The following CD81 variants were observed in gnomAD, a reference collection of about 807,000 sequenced individuals.
The protein encoded by CD81 is CD81 molecule.
In CD81, 10 loss-of-function variants were observed where a neutral mutation model predicts 30.1. That is an observed-to-expected ratio of 0.33 (90% CI 0.21 to 0.56). The LOEUF (loss-of-function observed/expected upper bound fraction) is 0.56, where lower values mean the gene tolerates loss of function less well. Among genes scored for constraint, CD81 ranks in the 20% least tolerant of loss-of-function variants. The pLI is 0.89. For synonymous variants in CD81, 147 were observed against 126.4 expected (o/e 1.16, Z -1.10); for missense variants, 263 against 308.7 (o/e 0.85, Z 1.11).
At chr11:2,388,544 C>G (rs1849838624) in intron 1 of CD81, among the ~76,000 whole-genome samples, 1 of 152,346 alleles carries the variant, frequency 6.6e-6, no homozygotes, top group Middle Eastern at 3.4e-3. Flanking sequence ...AGTTTCTCTT[C>G]TGCAGTTGAC....
At chr11:2,386,226 T>C (rs2133449623) in intron 1 of CD81, 2 of 700,784 alleles carry the variant, frequency 2.9e-6, no homozygotes, top group Non-Finnish European at 5.3e-6. Flanking sequence ...TCCTGTTTTT[T>C]GCCCATCTTT....
chr11:2,377,829 C>G lies in CD81; in HGVS notation c.66+214C>G, dbSNP rs539514871. ...GGCTGCGAGCCGAGTTTCGGGGCCT[C>G]TGTGCTCGGGGGCCCACCTCTGCGG... On this transcript the variant is annotated intron_variant, in intron 1 of 7. Coordinates refer to ENST00000263645, the MANE Select transcript of CD81 (RefSeq NM_004356.4). The surrounding 1 kb of genome is among the most constrained non-coding windows in gnomAD (Gnocchi z 7.7). 7.4e-6 allele frequency: 2 copies of G among 271,064 alleles called. No individual in the cohort carries two copies. The highest frequency in any genetic ancestry group is 6.9e-5 in the East Asian group (1 of 14,446). The allele number at this position is 271,064 out of a possible 1,614,324, so 16.8% of individuals were successfully genotyped here. A position where few individuals can be genotyped will look rare whatever the true frequency, so the allele number is the denominator to read the frequency against.
intron 3 of CD81, 56 bp downstream of exon 3, chr11:2,394,248 TG>T: frequency 8.0e-7 from 1 of 1,248,500 alleles, no homozygotes; most frequent in Non-Finnish European, 1.2e-6. Context: ...GGGCTGCGTC[TG>T]GCCCTGAGGA....
chr11:2,386,457 A>G (rs978834913), intron 1 of CD81: 2 of 689,690 alleles, frequency 2.9e-6, no homozygotes, highest in African/African-American at 3.5e-5. Context: ...TGGTGCTGCC[A>G]TTGCCCTCCC....
intron 2 of CD81, chr11:2,392,418 G>A (rs11022590): frequency 0.1 from 15,860 of 152,392 alleles, 2,413 homozygotes; most frequent in African/African-American, 0.34. Flanking sequence ...TGAGGCTGGC[G>A]TTGGAAGCAG....
At position 2,396,793 on chromosome 11, in the gene CD81, C is replaced by T; in HGVS notation, c.649-11C>T. On this transcript the variant is annotated splice_polypyrimidine_tract_variant and intron_variant, in intron 7 of 7. Coordinates refer to ENST00000263645, the MANE Select transcript of CD81 (RefSeq NM_004356.4). ...CTTGTGCTGACTGCGCCCCCCACCA[C>T]CCTCCTGCAGATCTTCGAGATGATC... The T allele has an allele frequency of 6.2e-7, 1 of 1,612,706 alleles. No individual in the cohort carries two copies. Among genetic ancestry groups the T allele is most frequent in the Non-Finnish European group, 8.5e-7 (1 of 1,180,020 alleles).
At position 2,385,568 on chromosome 11, in the gene CD81, G is replaced by A. The variant is rs541752735; in HGVS notation, c.67-4844G>A. ...GTGTGGCATGCCTGTCTGTGCACCC[G>A]TGCTGTGGCGTGCCCGTCGTCTGTG... On this transcript the variant is annotated intron_variant, in intron 1 of 7. Coordinates refer to ENST00000263645, the MANE Select transcript of CD81 (RefSeq NM_004356.4). 6.4e-3 allele frequency: 1,620 copies of A among 251,896 alleles called. 74 individuals are homozygous for A. Among genetic ancestry groups the A allele is most frequent in the African/African-American group, 0.053 (1,493 of 28,364 alleles). 15.6% of individuals were successfully genotyped at this position (251,896 alleles called of 1,614,324 possible).
Position 2,395,443 on chromosome 11 carries a change from G to T in CD81, c.382G>T (p.Asp128Tyr). 1 of 1,612,766 alleles carries T rather than the reference G, an allele frequency of 6.2e-7. No homozygotes were observed. Among genetic ancestry groups the T allele is most frequent in the Non-Finnish European group, 8.5e-7 (1 of 1,179,880 alleles). ...CGCCAAGGATGTGAAGCAGTTCTAT[G>T]ACCAGGCCCTACAGCAGGCCGTGGT... ...QIAKDVKQFY[D>Y]QALQQAVVDD... The change falls in exon 5 of 8, where the codon GAC becomes TAC. Residue 128 changes from aspartate (D) to tyrosine (Y), a missense_variant. Around this residue, in one of 3 missense-constraint regions of CD81, gnomAD observed 176 missense variants for 192.9 expected, o/e 0.91. Coordinates refer to ENST00000263645, the MANE Select transcript of CD81 (RefSeq NM_004356.4).
intron 5 of CD81, 93 bp downstream of exon 5, chr11:2,395,613 T>G (rs756558209): frequency 4.4e-4 from 454 of 1,033,006 alleles, no homozygotes; most frequent in Middle Eastern, 2.0e-3. Context: ...CGCCCAGACC[T>G]CAGGAGCAGG....
intron 1 of CD81, among the ~76,000 whole-genome samples, chr11:2,388,460 G>T (rs1849836889): frequency 1.3e-5 from 2 of 152,218 alleles, no homozygotes; most frequent in African/African-American, 2.4e-5. Context: ...CCCACCCTGG[G>T]GCCCTGCTTC....
In CD81 at chr11:2,378,440, C is replaced by T. The variant is rs989425369; in HGVS notation, c.66+825C>T. On this transcript the variant is annotated intron_variant, in intron 1 of 7. Transcript: ENST00000263645. The surrounding 1 kb of genome is among the most constrained non-coding windows in gnomAD (Gnocchi z 4.9). ...GGATGGCAGGGTCCGGGAGTGGGGC[C>T]GCTGCTTTGCAAGAGGGGCCCCCAC... Among the ~76,000 whole-genome samples the T allele has an allele frequency of 5.9e-5, 9 of 152,156 alleles. No homozygotes were observed. Among genetic ancestry groups the T allele is most frequent in the Non-Finnish European group, 1.0e-4 (7 of 68,010 alleles).
chr11:2,395,127 A>C, intron 4 of CD81, 81 bp downstream of exon 4: 1 of 1,207,476 alleles, frequency 8.3e-7, no homozygotes, highest in Admixed American at 1.7e-5. Flanking sequence ...GGTTGGGCTG[A>C]CTCATGGCTT....
At chr11:2,381,666 T>C (rs1849707672) in intron 1 of CD81, among the ~76,000 whole-genome samples, 1 of 152,132 alleles carries the variant, frequency 6.6e-6, no homozygotes. Flanking sequence ...GACCCTGAGG[T>C]TGGGGTGGGG....
intron 1 of CD81, chr11:2,384,598 C>T (rs1392671551): frequency 6.3e-6 from 1 of 159,852 alleles, no homozygotes; most frequent in Non-Finnish European, 1.4e-5. Flanking sequence ...GCGGGGCATC[C>T]TGGGGGCGGG....
intron 1 of CD81, 161 bp from the exon 2 acceptor site, chr11:2,390,251 G>A: frequency 2.8e-6 from 2 of 707,164 alleles, no homozygotes; most frequent in Admixed American, 2.0e-5. Context: ...CTGACTCCCG[G>A]GGCTCTTCAG....
rs1382347140 is a variant in CD81, at chr11:2,377,336, G to A, written c.-214G>A. Reference sequence around the variant, plus strand: ...GCCAGAGAGCGAGCGCGCAACGGCGGCGACGGCGGCGACCCCACCGCGCAT... The same window carrying A: ...GCCAGAGAGCGAGCGCGCAACGGCGACGACGGCGGCGACCCCACCGCGCAT... On this transcript the variant is annotated 5_prime_UTR_variant, in exon 1 of 8. Transcript: ENST00000263645. The surrounding 1 kb of genome is among the most constrained non-coding windows in gnomAD (Gnocchi z 7.7). 6.7e-6 allele frequency: 1 copy of A among 150,180 alleles called. No homozygotes were observed. The highest frequency in any genetic ancestry group is 2.4e-5 in the African/African-American group (1 of 41,008). 9.3% of individuals were successfully genotyped at this position (150,180 alleles called of 1,614,324 possible).
chr11:2,397,342 G>T lies in CD81; in HGVS notation c.*476G>T. The T allele has an allele frequency of 4.6e-6, 1 of 216,782 alleles. No individual in the cohort carries two copies. The highest frequency in any genetic ancestry group is 9.4e-6 in the Non-Finnish European group (1 of 106,172). The allele number at this position is 216,782 out of a possible 1,614,324, so 13.4% of individuals were successfully genotyped here. On this transcript the variant is annotated 3_prime_UTR_variant, in exon 8 of 8. Coordinates refer to ENST00000263645, the MANE Select transcript of CD81 (RefSeq NM_004356.4). Reference sequence around the variant, plus strand: ...CCTTTCTAACACGTCGCCTTCAACTGTAATCACAACATCCTGACTCCGTCA... The same window carrying T: ...CCTTTCTAACACGTCGCCTTCAACTTTAATCACAACATCCTGACTCCGTCA...
At chr11:2,395,373 G>C (rs764150108) in intron 4 of CD81, 43 bp from the exon 5 acceptor site, 1 of 1,501,496 alleles carries the variant, frequency 6.7e-7, no homozygotes, top group Non-Finnish European at 9.3e-7. Context: ...GGGGCAAGGA[G>C]GGGGAGGTTC....
chr11:2,393,878 T>C (rs927854359), intron 2 of CD81: 1 of 694,016 alleles, frequency 1.4e-6, no homozygotes, highest in Non-Finnish European at 2.6e-6. Flanking sequence ...GTGGCCTCCT[T>C]AGTCTCCGTC....
Sources: gnomAD v4.1 joint callset for allele counts (sites outside exome capture counted in the v4.1 genomes callset) on GRCh38, gnomAD v4.1.1 for gene constraint, gnomAD v4.1.1 regional missense constraint, Gnocchi (gnomAD v3.1) non-coding constraint, MANE v1.5 for transcripts, NCBI Gene and HGNC (gene_info 2026-07-23, HGNC 2026-07-21) for gene names.